Variants in LRTM2 observed in about 807,000 individuals in gnomAD.
The protein encoded by LRTM2 is leucine rich repeat transmembrane protein 2.
Under a neutral mutation model 28.1 loss-of-function variants are expected in LRTM2, and 18 were observed. That is an observed-to-expected ratio of 0.64 (90% CI 0.44 to 0.95). The LOEUF (loss-of-function observed/expected upper bound fraction) is 0.95. Ranked by LOEUF, LRTM2 falls within the 40% of genes least tolerant of loss-of-function variation. The pLI is 0.00. For synonymous variants in LRTM2, 250 were observed against 218.7 expected (o/e 1.14, Z -1.26); for missense variants, 436 against 497.2 (o/e 0.88, Z 1.17).
Position 1,828,871 on chromosome 12 carries a change from G to A in LRTM2, c.67+656G>A, listed in dbSNP as rs1372435188. 3.3e-5 allele frequency among the ~76,000 whole-genome samples: 5 copies of A among 152,200 alleles called. No individual in the cohort carries two copies. In the East Asian group the frequency reaches 7.7e-4, roughly 23 times the overall value. ...CTTGGCAGCTGTCAGGGTGAAAGGA[G>A]CCCTGAGAATTCTCTTTATATGTGG... is the stretch of plus-strand genomic sequence containing the variant. On this transcript the variant is annotated intron_variant, in intron 3 of 4. Coordinates refer to ENST00000299194, the MANE Select transcript of LRTM2 (RefSeq NM_001039029.3). The surrounding 1 kb of genome is among the most constrained non-coding windows in gnomAD (Gnocchi z 4.2).
chr12:1,829,056 A>G lies in LRTM2; in HGVS notation c.67+841A>G, dbSNP rs959019023. ...ACCATGTGAGAGAGGCTGGCCCCTG[A>G]GTGACTCAGATCTCCTTTCAGCCTC... On this transcript the variant is annotated intron_variant, in intron 3 of 4. Transcript: ENST00000299194. The surrounding 1 kb of genome is among the most constrained non-coding windows in gnomAD (Gnocchi z 4.2). 1.3e-5 allele frequency among the ~76,000 whole-genome samples: 2 copies of G among 152,344 alleles called. No individual in the cohort carries two copies. The highest frequency in any genetic ancestry group is 4.8e-5 in the African/African-American group (2 of 41,570).
chr12:1,824,114 A>AT (rs1369267534), intron 1 of LRTM2, among the ~76,000 whole-genome samples: 1 of 152,030 alleles, frequency 6.6e-6, no homozygotes, highest in African/African-American at 2.4e-5. Context: ...GACTGTGGTA[A>AT]TTTTTTTCTC....
rs16928794 is a variant in LRTM2 at position 1,828,385 on chromosome 12, G to A, written c.67+170G>A. ...TCTGGGAAGCCAGGGTCACGCCCAC[G>A]GTGACAGCATCCCTGCCAGTCAGAG... On this transcript the variant is annotated intron_variant, in intron 3 of 4. Transcript: ENST00000299194. This position sits in a 1 kb window ranked among gnomAD's most constrained non-coding sequence, Gnocchi z 4.2. 0.054 allele frequency among the ~76,000 whole-genome samples: 8,294 copies of A among 152,294 alleles called. 345 individuals carry two copies. Among genetic ancestry groups the A allele is most frequent in the Non-Finnish European group, 0.071 (4,828 of 68,000 alleles).
chr12:1,825,986 G>A (rs1051283013), intron 1 of LRTM2, among the ~76,000 whole-genome samples: 1 of 152,194 alleles, frequency 6.6e-6, no homozygotes, highest in Non-Finnish European at 1.5e-5. Context: ...GAGCGTGCAC[G>A]CTGCTGTTTG....
Position 1,830,951 on chromosome 12 carries a change from C to T in LRTM2, c.84C>T (p.Ile28=), listed in dbSNP as rs767925655. ...WRQVSWITCW[I]ALYAVEALPT... ...CCCACCAAGGGATCACCTGCTGGATCGCCCTGTATGCTGTGGAGGCCCTCC... is the reference window on the plus strand; with the variant it reads ...CCCACCAAGGGATCACCTGCTGGATTGCCCTGTATGCTGTGGAGGCCCTCC... Residue 28 remains isoleucine, a synonymous_variant, in exon 4 of 5, where the codon ATC becomes ATT. Transcript: ENST00000299194. 1.7e-5 allele frequency: 27 copies of T among 1,601,988 alleles called. No homozygotes were observed. The highest frequency in any genetic ancestry group is 4.5e-5 in the East Asian group (2 of 44,564).
rs1256456296 is a variant in LRTM2 at position 1,828,203 on chromosome 12, A to G, written c.55A>G (p.Arg19Gly). 6.5e-7 allele frequency: 1 copy of G among 1,545,992 alleles called. No homozygotes were observed. Among genetic ancestry groups the G allele is most frequent in the African/African-American group, 1.4e-5 (1 of 72,698 alleles). The change falls in exon 3 of 5, where the codon AGG (arginine) becomes GGG (glycine). Residue 19 changes from arginine (R) to glycine (G), a missense_variant. Transcript: ENST00000299194. This position sits in a 1 kb window ranked among gnomAD's most constrained non-coding sequence, Gnocchi z 4.2. ...GAGGGGCAGGCTCGCCCTGCAGTGG[A>G]GGCAAGTCTCCTGTGAGTACACCCC... ...GQRGRLALQW[R>G]QVSWITCWIA...
Position 1,829,702 on chromosome 12 carries a change from G to A in LRTM2, c.68-1233G>A, listed in dbSNP as rs990532001. 4.1e-5 allele frequency among the ~76,000 whole-genome samples: 6 copies of A among 145,768 alleles called. No homozygotes were observed. Among genetic ancestry groups the A allele is most frequent in the Non-Finnish European group, 7.5e-5 (5 of 66,460 alleles). On this transcript the variant is annotated intron_variant, in intron 3 of 4. Coordinates refer to ENST00000299194, the MANE Select transcript of LRTM2 (RefSeq NM_001039029.3). The surrounding 1 kb of genome is among the most constrained non-coding windows in gnomAD (Gnocchi z 4.2). ...AGCTCACAGCCCATCGGCCCACCCC[G>A]ACCTGGGACAGCCAGGTCCCAGGTC...
rs2154446998 is a variant in LRTM2, at chr12:1,829,441, A to T, written c.67+1226A>T. Among the ~76,000 whole-genome samples, 1 of 152,130 alleles carries T rather than the reference A, an allele frequency of 6.6e-6. No homozygotes were observed. Among genetic ancestry groups the T allele is most frequent in the African/African-American group, 2.4e-5 (1 of 41,524 alleles). ...GAGGTAACCCAAGATGGCCAGAAAA[A>T]GGGTCTCCGGTGGCTTCCATGGCTG... On this transcript the variant is annotated intron_variant, in intron 3 of 4. Transcript: ENST00000299194. This position sits in a 1 kb window ranked among gnomAD's most constrained non-coding sequence, Gnocchi z 4.2.
In LRTM2 at chr12:1,828,009, T is replaced by G; in HGVS notation, c.-73-67T>G. The G allele has an allele frequency of 3.2e-6, 2 of 628,870 alleles. No individual in the cohort carries two copies. Among genetic ancestry groups the G allele is most frequent in the East Asian group, 6.5e-5 (2 of 30,574 alleles). The allele number at this position is 628,870 out of a possible 1,614,324, so 39.0% of individuals were successfully genotyped here. On this transcript the variant is annotated intron_variant, in intron 2 of 4. Coordinates refer to ENST00000299194, the MANE Select transcript of LRTM2 (RefSeq NM_001039029.3). The surrounding 1 kb of genome is among the most constrained non-coding windows in gnomAD (Gnocchi z 4.2). ...AGTGTAAAGAGACACCCGGGCCCTC[T>G]CCCTAACCCCTGGGCTGGAACGGGG...
intron 1 of LRTM2, among the ~76,000 whole-genome samples, chr12:1,827,032 A>G (rs951334578): frequency 1.3e-5 from 2 of 152,184 alleles, no homozygotes; most frequent in Non-Finnish European, 2.9e-5. Flanking sequence ...TCTGGCAACC[A>G]AGGAAGGTCA....
chr12:1,827,881 G>A (rs928262417), intron 2 of LRTM2, 195 bp from the exon 3 acceptor site: 10 of 386,216 alleles, frequency 2.6e-5, no homozygotes, highest in Admixed American at 9.0e-5. Flanking sequence ...CTGGAAAGCC[G>A]AAGCCTGCCC....
chr12:1,832,915 G>A (rs940893382), intron 4 of LRTM2, among the ~76,000 whole-genome samples: 3 of 152,252 alleles, frequency 2.0e-5, no homozygotes, highest in South Asian at 2.1e-4. Flanking sequence ...AGGGAAATGA[G>A]GCTGCATCCC....
Position 1,829,086 on chromosome 12 carries a change from T to C in LRTM2, c.67+871T>C, listed in dbSNP as rs917820610. Among the ~76,000 whole-genome samples, 1 of 152,228 alleles carries C rather than the reference T, an allele frequency of 6.6e-6. No individual in the cohort carries two copies. The highest frequency in any genetic ancestry group is 1.5e-5 in the Non-Finnish European group (1 of 68,040). ...CTCAGATCTCCTTTCAGCCTCATTCTAGAATCACTCAACACCTCGCAATAC... is the reference window on the plus strand; with the variant it reads ...CTCAGATCTCCTTTCAGCCTCATTCCAGAATCACTCAACACCTCGCAATAC... On this transcript the variant is annotated intron_variant, in intron 3 of 4. Transcript: ENST00000299194. The surrounding 1 kb of genome is among the most constrained non-coding windows in gnomAD (Gnocchi z 4.2).
In LRTM2 at chr12:1,834,513, C is replaced by A. The variant is rs776249407; in HGVS notation, c.905C>A (p.Ala302Glu). 2 of 1,606,374 alleles carry A rather than the reference C, an allele frequency of 1.2e-6. No homozygotes were observed. The change falls in exon 5 of 5, where the codon GCG (alanine) becomes GAG (glutamate). Residue 302 changes from alanine to glutamate, a missense_variant. Transcript: ENST00000299194. This position sits in a 1 kb window ranked among gnomAD's most constrained non-coding sequence, Gnocchi z 7.6. ...CCACAGAAGCAGAGGCACCGGCCGG[C>A]GAGCGTGAGGCGAGCCATGGGCACG... ...ACPQKQRHRP[A>E]SVRRAMGTVI...
chr12:1,832,423 G>A (rs1489995154), intron 4 of LRTM2, among the ~76,000 whole-genome samples: 12 of 152,194 alleles, frequency 7.9e-5, no homozygotes, highest in Non-Finnish European at 1.8e-4. Flanking sequence ...CCATTTATCC[G>A]TTCACTTCCT....
rs371580908 is a variant in LRTM2, at chr12:1,831,191, C to G, written c.324C>G (p.Pro108=). The change falls in exon 4 of 5, where the codon CCC becomes CCG. Residue 108 remains proline (P), a synonymous_variant. Coordinates refer to ENST00000299194, the MANE Select transcript of LRTM2 (RefSeq NM_001039029.3). ...DLSNNFLDRL[P]RSIFGDLTNL... is the part of the protein sequence containing the mutation. ...CCAACAACTTCCTGGACCGGCTGCCCCGCTCCATTTTCGGGGACCTGACGA... is the reference window on the plus strand; with the variant it reads ...CCAACAACTTCCTGGACCGGCTGCCGCGCTCCATTTTCGGGGACCTGACGA... 12 of 1,613,766 alleles carry G rather than the reference C, an allele frequency of 7.4e-6. No individual in the cohort carries two copies. Among genetic ancestry groups the G allele is most frequent in the Non-Finnish European group, 1.0e-5 (12 of 1,180,022 alleles).
At position 1,834,905 on chromosome 12, in the gene LRTM2, G is replaced by A. The variant is rs371565323; in HGVS notation, c.*184G>A. ...CTTTCGAGGCTCCCTGAAAGCCACCGTGCTGGGGGCTCCTGCTGATGCTCC... is the reference window on the plus strand; with the variant it reads ...CTTTCGAGGCTCCCTGAAAGCCACCATGCTGGGGGCTCCTGCTGATGCTCC... On this transcript the variant is annotated 3_prime_UTR_variant, in exon 5 of 5. Coordinates refer to ENST00000299194, the MANE Select transcript of LRTM2 (RefSeq NM_001039029.3). This position sits in a 1 kb window ranked among gnomAD's most constrained non-coding sequence, Gnocchi z 7.6. 1.8e-4 allele frequency: 206 copies of A among 1,152,256 alleles called. 1 individual carries two copies. In the East Asian group the frequency reaches 3.6e-3, roughly 20 times the overall value. 71.4% of individuals were successfully genotyped at this position (1,152,256 alleles called of 1,614,324 possible).
chr12:1,827,994 G>A (rs1044167882), intron 2 of LRTM2, 82 bp from the exon 3 acceptor site: 6 of 531,292 alleles, frequency 1.1e-5, no homozygotes, highest in Non-Finnish European at 3.2e-6. Context: ...AGTGTAAAGA[G>A]ACACCCGGGC....
chr12:1,825,341 T>TATC (rs1324131499), intron 1 of LRTM2, among the ~76,000 whole-genome samples: 1 of 152,194 alleles, frequency 6.6e-6, no homozygotes, highest in Non-Finnish European at 1.5e-5. Flanking sequence ...CTCCACTACC[T>TATC]ATCTGCCTGC....
Sources: gnomAD v4.1 joint callset for allele counts (sites outside exome capture counted in the v4.1 genomes callset) on GRCh38, gnomAD v4.1.1 for gene constraint, Gnocchi (gnomAD v3.1) non-coding constraint, MANE v1.5 for transcripts, NCBI Gene and HGNC (gene_info 2026-07-23, HGNC 2026-07-21) for gene names.